EPS15: variants seen among roughly 807,000 people sequenced by gnomAD.
EPS15 encodes epidermal growth factor receptor pathway substrate 15.
EPS15 carries 72 observed loss-of-function variants against 113.8 expected under a neutral mutation model. The ratio of observed to expected loss-of-function variants is 0.63; its 90% CI spans 0.52 to 0.77. The LOEUF (loss-of-function observed/expected upper bound fraction) is 0.77, where lower values mean the gene tolerates loss of function less well. EPS15 is among the 30% of genes least tolerant of loss of function. The pLI, the probability that EPS15 is intolerant of heterozygous loss-of-function variation, is 0.00. For synonymous variants in EPS15, 344 were observed against 363.4 expected (o/e 0.95, Z 0.61); for missense variants, 1,048 against 1,045.8 (o/e 1.00, Z -0.03).
intron 12 of EPS15, among the ~76,000 whole-genome samples, chr1:51,424,853 C>A (rs148789298): frequency 2.9e-4 from 44 of 152,008 alleles, no homozygotes; most frequent in African/African-American, 8.2e-4. Flanking sequence ...CAGTGAGCAG[C>A]TATCAGGCCA....
At chr1:51,423,592 A>C (rs1650964103) in intron 12 of EPS15, 2 of 985,282 alleles carry the variant, frequency 2.0e-6, no homozygotes, top group Non-Finnish European at 2.4e-6. Context: ...TGGTTTCTGA[A>C]AGTAGATAAT....
chr1:51,423,716 G>A (rs1650973026), intron 12 of EPS15: 1 of 985,412 alleles, frequency 1.0e-6, no homozygotes, highest in Non-Finnish European at 1.2e-6. Context: ...CAGATCAAGT[G>A]TGCATGCAGG....
intron 17 of EPS15, among the ~76,000 whole-genome samples, chr1:51,403,021 C>G (rs1316483920): frequency 1.3e-5 from 2 of 152,072 alleles, no homozygotes; most frequent in Non-Finnish European, 2.9e-5. Flanking sequence ...TTTCCTTCAC[C>G]TAAAATAGTG....
intron 21 of EPS15, among the ~76,000 whole-genome samples, chr1:51,377,470 A>T (rs1235421463): frequency 1.3e-5 from 2 of 152,342 alleles, no homozygotes; most frequent in East Asian, 3.9e-4. Context: ...GAATTGCTGA[A>T]ATCTCATGAT....
At chr1:51,366,179 C>A in intron 21 of EPS15, 150 bp from the exon 22 acceptor site, 1 of 566,562 alleles carries the variant, frequency 1.8e-6, no homozygotes, top group South Asian at 2.3e-5. Context: ...GTGATCCTCC[C>A]ACCTCAGCCT....
chr1:51,431,379 C>T (rs1210753689), intron 12 of EPS15, among the ~76,000 whole-genome samples: 1 of 151,662 alleles, frequency 6.6e-6, no homozygotes, highest in Non-Finnish European at 1.5e-5. Flanking sequence ...GCTTATATGA[C>T]AAAGCACACC....
intron 16 of EPS15, among the ~76,000 whole-genome samples, chr1:51,405,668 A>G (rs1388401773): frequency 6.6e-6 from 1 of 151,736 alleles, no homozygotes; most frequent in Non-Finnish European, 1.5e-5. Context: ...ACTGCACTCC[A>G]GCCTGGGCAA....
intron 1 of EPS15, among the ~76,000 whole-genome samples, chr1:51,508,246 GAA>G (rs753176134): frequency 0.011 from 641 of 58,700 alleles, 4 homozygotes; most frequent in Non-Finnish European, 0.013. Context: ...AAGAAAGAGA[GAA>G]AGAGAGAGAG....
intron 1 of EPS15, among the ~76,000 whole-genome samples, chr1:51,497,460 C>T (rs1644343348): frequency 6.6e-6 from 1 of 152,084 alleles, no homozygotes; most frequent in African/African-American, 2.4e-5. Context: ...ACCTAATGCC[C>T]TCGAAATGAT....
At chr1:51,501,338 G>T (rs996983187) in intron 1 of EPS15, among the ~76,000 whole-genome samples, 3 of 151,986 alleles carry the variant, frequency 2.0e-5, no homozygotes, top group Non-Finnish European at 2.9e-5. Context: ...AACCCGGGAG[G>T]TGGAGGTTGC....
At chr1:51,474,184 G>GTA (rs1350650466) in intron 2 of EPS15, among the ~76,000 whole-genome samples, 4 of 152,170 alleles carry the variant, frequency 2.6e-5, no homozygotes, top group Non-Finnish European at 1.5e-5. Context: ...AGTTTCTGAG[G>GTA]TATTCTGCTG....
At chr1:51,483,859 G>C (rs1389005155) in intron 1 of EPS15, among the ~76,000 whole-genome samples, 1 of 151,894 alleles carries the variant, frequency 6.6e-6, no homozygotes, top group Non-Finnish European at 1.5e-5. Flanking sequence ...GTAATCCCAG[G>C]AGGGGATTTG....
intron 23 of EPS15, among the ~76,000 whole-genome samples, chr1:51,362,814 AT>A (rs1044169359): frequency 5.3e-5 from 8 of 152,172 alleles, no homozygotes; most frequent in African/African-American, 1.9e-4. Flanking sequence ...TTAAAAAAAA[AT>A]ATACTAAGAT....
In EPS15 at chr1:51,423,287, C is replaced by T. The variant is rs897178253; in HGVS notation, c.1041-1429G>A. 3 of 1,287,148 alleles carry T rather than the reference C, an allele frequency of 2.3e-6. No individual in the cohort carries two copies. The African/African-American group carries it at 4.6e-5, about 20-fold the overall frequency. The allele number at this position is 1,287,148 out of a possible 1,614,324, so 79.7% of individuals were successfully genotyped here. ...CTTACCATGAGAATCATTGTTGCAGCCCGATCCTTCCATACCTCAACCTAT... is the reference window on the plus strand; with the variant it reads ...CTTACCATGAGAATCATTGTTGCAGTCCGATCCTTCCATACCTCAACCTAT... On this transcript the variant is annotated intron_variant, in intron 12 of 24. Transcript: ENST00000371733.
At chr1:51,507,947 G>A (rs1332420752) in intron 1 of EPS15, among the ~76,000 whole-genome samples, 2 of 151,936 alleles carry the variant, frequency 1.3e-5, no homozygotes, top group African/African-American at 2.4e-5. Flanking sequence ...GGAGGCCGAG[G>A]CAGGTGGATC....
At chr1:51,397,274 A>C (rs1216803660) in intron 20 of EPS15, 1 of 152,198 alleles carries the variant, frequency 6.6e-6, no homozygotes, top group Non-Finnish European at 1.5e-5. Flanking sequence ...CACACAGAGG[A>C]AATTAGATAA....
At chr1:51,421,440 AGAT>A (rs895259183) in intron 13 of EPS15, among the ~76,000 whole-genome samples, 3 of 152,100 alleles carry the variant, frequency 2.0e-5, no homozygotes, top group African/African-American at 4.8e-5. Flanking sequence ...GATGATGATG[AGAT>A]GATGATCTCA....
At chr1:51,420,668 T>G (rs1051815994) in intron 13 of EPS15, among the ~76,000 whole-genome samples, 1 of 152,176 alleles carries the variant, frequency 6.6e-6, no homozygotes, top group Non-Finnish European at 1.5e-5. Flanking sequence ...GAGAATTATA[T>G]TGATGATGAT....
chr1:51,442,693 T>C (rs937646468), intron 11 of EPS15, among the ~76,000 whole-genome samples: 1 of 152,104 alleles, frequency 6.6e-6, no homozygotes, highest in Admixed American at 6.6e-5. Context: ...CCAAGTGACA[T>C]GTGACAAAAG....
Sources: allele counts gnomAD v4.1 joint callset (sites outside exome capture counted in the v4.1 genomes callset), GRCh38; gene constraint gnomAD v4.1.1; transcripts MANE v1.5; gene names NCBI Gene and HGNC (gene_info 2026-07-23, HGNC 2026-07-21).